OCA2: variants seen among roughly 807,000 people sequenced by gnomAD.
The protein encoded by OCA2 is OCA2 melanosomal transmembrane protein.
Under a neutral mutation model 100.2 loss-of-function variants are expected in OCA2, and 77 were observed. That is an observed-to-expected ratio of 0.77 (90% CI 0.64 to 0.93). The LOEUF is 0.93. OCA2 is among the 40% of genes least tolerant of loss of function. The pLI is 0.00. For synonymous variants in OCA2, 432 were observed against 439.2 expected (o/e 0.98, Z 0.21); for missense variants, 1,062 against 1,089.1 (o/e 0.98, Z 0.35).
At chr15:27,736,675 G>A in the OCA2 span, among the ~76,000 whole-genome samples, 1 of 152,198 alleles carries the variant, frequency 6.6e-6, no homozygotes, top group Non-Finnish European at 1.5e-5. Flanking sequence ...GGCCTCAAGT[G>A]TTGTCACAGA....
chr15:27,719,596 A>C, the OCA2 span, among the ~76,000 whole-genome samples: 1 of 152,336 alleles, frequency 6.6e-6, no homozygotes, highest in East Asian at 1.9e-4. Flanking sequence ...GCAATATCTT[A>C]AAAAGTTAGA....
rs76474834 is a variant in OCA2 at position 27,971,503 on chromosome 15, G to T, written c.1504-4681C>A. Among the ~76,000 whole-genome samples the T allele has an allele frequency of 1.6e-3, 248 of 152,232 alleles. 3 individuals carry two copies. In the East Asian group the frequency reaches 0.022, roughly 14 times the overall value. ...TTGGTGCGCGTGGATGCTACAGCCA[G>T]GCCGACTCATGCTTACCCAAGGGAG... is the stretch of plus-strand genomic sequence containing the variant. On this transcript the variant is annotated intron_variant, in intron 14 of 23. Coordinates refer to ENST00000354638, the MANE Select transcript of OCA2 (RefSeq NM_000275.3).
chr15:27,777,546 A>G (rs900114487), intron 23 of OCA2, among the ~76,000 whole-genome samples: 8 of 152,228 alleles, frequency 5.3e-5, no homozygotes, highest in African/African-American at 1.9e-4. Context: ...GCCACTTATA[A>G]TCTCATTATC....
chr15:27,764,867 A>G (rs2031129570), intron 23 of OCA2, among the ~76,000 whole-genome samples: 3 of 152,260 alleles, frequency 2.0e-5, no homozygotes, highest in Admixed American at 1.3e-4. Flanking sequence ...TTAAGAAAGT[A>G]AAGGAATAAA....
chr15:27,902,824 G>C (rs970966512), intron 19 of OCA2, among the ~76,000 whole-genome samples: 4 of 152,224 alleles, frequency 2.6e-5, no homozygotes, highest in Non-Finnish European at 5.9e-5. Flanking sequence ...GGGGAGGCGG[G>C]CAGGCGCAGA....
chr15:28,024,885 A>G lies in OCA2; in HGVS notation c.533T>C (p.Leu178Pro). The change falls in exon 5 of 24, where the codon CTG becomes CCG. Residue 178 changes from leucine to proline, a missense_variant. Coordinates refer to ENST00000354638, the MANE Select transcript of OCA2 (RefSeq NM_000275.3). ...LSKLRRCVQW[L>P]KVMGLFAFVV... ...AAAGGCAAACAGGCCCATGACTTTCAGCCACTGCACACAGCGCCTGCAAGA... is the reference window on the plus strand; with the variant it reads ...AAAGGCAAACAGGCCCATGACTTTCGGCCACTGCACACAGCGCCTGCAAGA... The G allele has an allele frequency of 1.2e-6, 2 of 1,614,246 alleles. No homozygotes were observed. The highest frequency in any genetic ancestry group is 1.7e-6 in the Non-Finnish European group (2 of 1,180,044).
At chr15:28,015,001 G>A in intron 8 of OCA2, 72 bp from the exon 9 acceptor site, 1 of 1,498,412 alleles carries the variant, frequency 6.7e-7, no homozygotes, top group South Asian at 1.2e-5. Flanking sequence ...TATCAGCCAT[G>A]GCATTAACCA....
intron 1 of OCA2, among the ~76,000 whole-genome samples, chr15:28,088,049 C>T (rs972099752): frequency 5.9e-5 from 9 of 151,292 alleles, no homozygotes; most frequent in East Asian, 3.9e-4. Flanking sequence ...GCAGCGAAAG[C>T]GAACCTGCAT....
At chr15:28,035,023 A>G (rs1003554414) in intron 2 of OCA2, among the ~76,000 whole-genome samples, 1 of 152,066 alleles carries the variant, frequency 6.6e-6, no homozygotes, top group Non-Finnish European at 1.5e-5. Flanking sequence ...AGCATGACCC[A>G]TGGGGTCTCA....
Position 27,755,742 on chromosome 15 carries a change from C to T in OCA2, c.2433-270G>A, listed in dbSNP as rs192319403. Among the ~76,000 whole-genome samples, 297 of 152,232 alleles carry T rather than the reference C, an allele frequency of 2.0e-3. 2 individuals carry two copies. Among genetic ancestry groups the T allele is most frequent in the Non-Finnish European group, 1.7e-3 (116 of 68,010 alleles). On this transcript the variant is annotated intron_variant, in intron 23 of 23. Coordinates refer to ENST00000354638, the MANE Select transcript of OCA2 (RefSeq NM_000275.3). ...TGGCTATATGGAGCCTCTGTTTGTT[C>T]ATCTATATTAGACTGTTGGTCTTTC...
At chr15:28,089,880 C>A (rs7165462) in intron 1 of OCA2, among the ~76,000 whole-genome samples, 9 of 152,146 alleles carry the variant, frequency 5.9e-5, no homozygotes, top group Middle Eastern at 3.4e-3. Flanking sequence ...AGTGGTACAC[C>A]AAACCTCAGT....
chr15:27,857,858 T>C (rs542483865), intron 21 of OCA2, among the ~76,000 whole-genome samples: 2 of 152,302 alleles, frequency 1.3e-5, no homozygotes, highest in East Asian at 3.9e-4. Context: ...AAATAGTCTG[T>C]ATGCTATTGA....
At position 27,799,354 on chromosome 15, in the gene OCA2, T is replaced by C. The variant is rs939250084; in HGVS notation, c.2433-43882A>G. On this transcript the variant is annotated intron_variant, in intron 23 of 23. Coordinates refer to ENST00000354638, the MANE Select transcript of OCA2 (RefSeq NM_000275.3). The stretch of plus-strand genomic sequence containing the variant: ...CAGACTGACAATGAACAAATGCATA[T>C]ACACTATATGAGGTAGAAAGCAGTA... Among the ~76,000 whole-genome samples, 5 of 152,112 alleles carry C rather than the reference T, an allele frequency of 3.3e-5. No homozygotes were observed. In the South Asian group the frequency reaches 6.2e-4, roughly 19 times the overall value.
rs754042415 is a variant in OCA2, at chr15:27,851,364, C to G, written c.2338+18G>C. ...GTGGGCGTGCACCCCCACCCCCATGCAGTCAGCAGCCCCTTACCTCCCAGG... is the reference window on the plus strand; with the variant it reads ...GTGGGCGTGCACCCCCACCCCCATGGAGTCAGCAGCCCCTTACCTCCCAGG... On this transcript the variant is annotated intron_variant, in intron 22 of 23. Coordinates refer to ENST00000354638, the MANE Select transcript of OCA2 (RefSeq NM_000275.3). The G allele has an allele frequency of 1.6e-5, 25 of 1,605,552 alleles. No individual in the cohort carries two copies. The highest frequency in any genetic ancestry group is 2.0e-5 in the Non-Finnish European group (23 of 1,173,054).
the OCA2 span, among the ~76,000 whole-genome samples, chr15:27,721,581 G>A: frequency 1.3e-5 from 2 of 152,096 alleles, no homozygotes; most frequent in Non-Finnish European, 1.5e-5. Flanking sequence ...CTACCTTCAC[G>A]TAATAAAGTG....
At chr15:28,023,318 A>T (rs1273963875) in intron 5 of OCA2, among the ~76,000 whole-genome samples, 1 of 152,150 alleles carries the variant, frequency 6.6e-6, no homozygotes, top group Non-Finnish European at 1.5e-5. Flanking sequence ...TGGGTCACAG[A>T]TCTCCTCCCT....
intron 2 of OCA2, among the ~76,000 whole-genome samples, chr15:28,051,455 C>T (rs1013680377): frequency 1.3e-5 from 2 of 151,948 alleles, no homozygotes; most frequent in Non-Finnish European, 2.9e-5. Flanking sequence ...ACCACGTCCA[C>T]CTAATTTTGT....
chr15:27,823,713 G>T (rs1025299711), intron 23 of OCA2, among the ~76,000 whole-genome samples: 2 of 152,064 alleles, frequency 1.3e-5, no homozygotes, highest in Middle Eastern at 3.2e-3. Context: ...CTCCCTCCCC[G>T]AAAAAACTCT....
intron 21 of OCA2, 84 bp downstream of exon 21, chr15:27,871,070 C>A: frequency 9.8e-7 from 1 of 1,020,944 alleles, no homozygotes. Flanking sequence ...AGGCTTCATC[C>A]TCTGCTGCCT....
Sources: allele counts gnomAD v4.1 joint callset (sites outside exome capture counted in the v4.1 genomes callset), GRCh38; gene constraint gnomAD v4.1.1; transcripts MANE v1.5; gene names NCBI Gene and HGNC (gene_info 2026-07-23, HGNC 2026-07-21).